ADAMTS17: variants seen among roughly 807,000 people sequenced by gnomAD.
ADAMTS17 encodes ADAM metallopeptidase with thrombospondin type 1 motif 17, also known as A disintegrin and metalloproteinase with thrombospondin motifs 17.
ADAMTS17 carries 113 observed loss-of-function variants against 141.5 expected under a neutral mutation model. That is an observed-to-expected ratio of 0.80 (90% CI 0.69 to 0.93). The LOEUF is 0.93. ADAMTS17 is among the 40% of genes least tolerant of loss of function. The probability of loss-of-function intolerance (pLI) is 0.00; values close to 1 mark genes in which losing one functional copy is unlikely to be tolerated. For missense variants in ADAMTS17, 1,659 were observed against 1,517.9 expected (o/e 1.09, Z -1.54); for synonymous variants, 768 against 630.6 (o/e 1.22, Z -3.27).
At chr15:100,031,638 C>T (rs1011587274) in intron 18 of ADAMTS17, among the ~76,000 whole-genome samples, 3 of 152,160 alleles carry the variant, frequency 2.0e-5, no homozygotes, top group East Asian at 1.9e-4. Context: ...CTCATGCCAC[C>T]GGAATGAAAT....
At chr15:100,211,941 G>C (rs898028166) in intron 7 of ADAMTS17, among the ~76,000 whole-genome samples, 1 of 152,146 alleles carries the variant, frequency 6.6e-6, no homozygotes, top group Non-Finnish European at 1.5e-5. Context: ...CACTGAGAAA[G>C]GCTGAAAGGT....
At chr15:100,035,014 A>G (rs182433322) in intron 18 of ADAMTS17, among the ~76,000 whole-genome samples, 16 of 152,328 alleles carry the variant, frequency 1.1e-4, no homozygotes, top group Non-Finnish European at 2.1e-4. Context: ...GTCTCCCAGC[A>G]AATGCCCCAT....
intron 2 of ADAMTS17, among the ~76,000 whole-genome samples, chr15:100,331,909 C>T (rs1045425984): frequency 6.6e-6 from 1 of 152,160 alleles, no homozygotes; most frequent in Non-Finnish European, 1.5e-5. Flanking sequence ...GGAGAAACAG[C>T]ACTCCCCACC....
chr15:100,251,761 G>T (rs965415530), intron 7 of ADAMTS17, among the ~76,000 whole-genome samples: 1 of 152,182 alleles, frequency 6.6e-6, no homozygotes, highest in Non-Finnish European at 1.5e-5. Context: ...GCTAATTAAG[G>T]TTATGTGAGG....
intron 7 of ADAMTS17, among the ~76,000 whole-genome samples, chr15:100,239,925 AGG>A (rs1567411543): frequency 2.6e-5 from 4 of 152,112 alleles, no homozygotes; most frequent in African/African-American, 9.7e-5. Context: ...CCAGTGAAGG[AGG>A]AGGTGGTCTC....
rs142697708 is a variant in ADAMTS17, at chr15:100,235,312, G to A, written c.1075+18824C>T. Reference sequence around the variant, plus strand: ...AGGGCCTGTGCAGTGCTGGCCCCCTGGTTACTTACACAGCTGCTGGGCACC... The same window carrying A: ...AGGGCCTGTGCAGTGCTGGCCCCCTAGTTACTTACACAGCTGCTGGGCACC... On this transcript the variant is annotated intron_variant, in intron 7 of 21. Coordinates refer to ENST00000268070, the MANE Select transcript of ADAMTS17 (RefSeq NM_139057.4). 1.9e-3 allele frequency among the ~76,000 whole-genome samples: 292 copies of A among 152,224 alleles called. 1 individual carries two copies. The highest frequency in any genetic ancestry group is 3.4e-3 in the Middle Eastern group (1 of 294).
intron 13 of ADAMTS17, 108 bp downstream of exon 13, chr15:100,116,739 T>G: frequency 2.0e-6 from 3 of 1,496,078 alleles, no homozygotes; most frequent in Non-Finnish European, 2.8e-6. Context: ...TGGAGTGTCT[T>G]GCTGGGTTGG....
At chr15:100,150,642 G>A (rs1446733069) in intron 10 of ADAMTS17, among the ~76,000 whole-genome samples, 9 of 152,180 alleles carry the variant, frequency 5.9e-5, no homozygotes, top group Admixed American at 6.5e-5. Flanking sequence ...AAATAGCTCC[G>A]GCTCTCATGG....
chr15:100,152,827 CTT>C (rs10664668), intron 9 of ADAMTS17, 65 bp from the exon 10 acceptor site: 108 of 1,422,876 alleles, frequency 7.6e-5, no homozygotes, highest in South Asian at 2.9e-4. Flanking sequence ...TTTTCTTTTT[CTT>C]TTTTTTTTTG....
intron 18 of ADAMTS17, among the ~76,000 whole-genome samples, chr15:100,021,502 T>C (rs1317041057): frequency 6.6e-6 from 1 of 152,150 alleles, no homozygotes; most frequent in Non-Finnish European, 1.5e-5. Context: ...TAATCTCTTT[T>C]CCCTTCCAAG....
intron 8 of ADAMTS17, among the ~76,000 whole-genome samples, chr15:100,156,022 C>T (rs1009449534): frequency 3.3e-5 from 5 of 152,148 alleles, no homozygotes; most frequent in African/African-American, 9.7e-5. Flanking sequence ...TATGCCCCAA[C>T]GTGTATAAGG....
intron 15 of ADAMTS17, among the ~76,000 whole-genome samples, chr15:100,064,083 G>C (rs1366187052): frequency 6.6e-6 from 1 of 152,052 alleles, no homozygotes; most frequent in African/African-American, 2.4e-5. Flanking sequence ...TCCTGGAGTA[G>C]GTAGGCCTAA....
chr15:100,149,943 A>G (rs2035344), intron 10 of ADAMTS17, among the ~76,000 whole-genome samples: 42,402 of 152,170 alleles, frequency 0.28, 6,300 homozygotes, highest in East Asian at 0.4. Flanking sequence ...CCTTGCAAGC[A>G]GGACAATCAC....
chr15:100,225,858 T>C (rs1019074338), intron 7 of ADAMTS17, among the ~76,000 whole-genome samples: 1 of 146,414 alleles, frequency 6.8e-6, no homozygotes, highest in Non-Finnish European at 1.5e-5. Flanking sequence ...CTTACAGCAG[T>C]CACGGCCTCT....
chr15:100,145,153 C>T (rs527611711), intron 10 of ADAMTS17, among the ~76,000 whole-genome samples: 1 of 152,260 alleles, frequency 6.6e-6, no homozygotes, highest in South Asian at 2.1e-4. Flanking sequence ...CCCAAAACTG[C>T]TGCCCCATTA....
intron 15 of ADAMTS17, among the ~76,000 whole-genome samples, chr15:100,084,642 G>A (rs4965582): frequency 0.33 from 49,869 of 152,020 alleles, 10,497 homozygotes; most frequent in East Asian, 0.59. Context: ...CTCCAAGACA[G>A]AACTTCCAGA....
At chr15:100,264,259 G>C (rs1340707319) in intron 4 of ADAMTS17, among the ~76,000 whole-genome samples, 1 of 152,178 alleles carries the variant, frequency 6.6e-6, no homozygotes, top group Admixed American at 6.5e-5. Context: ...TGGGGGAGGA[G>C]GGGGGAGGCA....
intron 7 of ADAMTS17, among the ~76,000 whole-genome samples, chr15:100,202,287 A>T (rs1227223877): frequency 6.6e-6 from 1 of 152,198 alleles, no homozygotes; most frequent in Non-Finnish European, 1.5e-5. Context: ...TTGCATTTTA[A>T]TTTTTCCAAG....
chr15:100,016,923 A>G (rs1266689583), intron 18 of ADAMTS17, among the ~76,000 whole-genome samples: 1 of 152,034 alleles, frequency 6.6e-6, no homozygotes, highest in Non-Finnish European at 1.5e-5. Flanking sequence ...GGGCCCTAGA[A>G]CCCTCAAGAT....
Sources: allele counts gnomAD v4.1 joint callset (sites outside exome capture counted in the v4.1 genomes callset), GRCh38; gene constraint gnomAD v4.1.1; transcripts MANE v1.5; gene names NCBI Gene and HGNC (gene_info 2026-07-23, HGNC 2026-07-21).